Variants in SRGAP1 observed in about 807,000 individuals in gnomAD.
SRGAP1 encodes the protein SLIT-ROBO Rho GTPase-activating protein 1.
In SRGAP1, 43 loss-of-function variants were observed where a neutral mutation model predicts 121.9. The observed-to-expected ratio is 0.35, with a 90% CI of 0.28 to 0.46. The LOEUF is 0.46. SRGAP1 is among the 20% of genes least tolerant of loss of function. The pLI is 1.00. For synonymous variants in SRGAP1, 447 were observed against 485.4 expected, an observed-to-expected ratio of 0.92 and a Z score of 1.04; for missense variants, 1,102 against 1,350.9, an observed-to-expected ratio of 0.82 and a Z score of 2.89.
chr12:64,137,670 A>G (rs2036876632), intron 21 of SRGAP1, among the ~76,000 whole-genome samples: 1 of 152,188 alleles, frequency 6.6e-6, no homozygotes, highest in Admixed American at 6.5e-5. Context: ...TAGATTATTC[A>G]TTTAGCAAAT....
chr12:64,037,812 T>C (rs181139530), intron 4 of SRGAP1, among the ~76,000 whole-genome samples: 15 of 152,354 alleles, frequency 9.8e-5, no homozygotes, highest in Non-Finnish European at 1.5e-4. Flanking sequence ...TTTTAAACTC[T>C]TAGAAGATGG....
intron 8 of SRGAP1, among the ~76,000 whole-genome samples, chr12:64,072,952 G>A (rs997510807): frequency 6.6e-6 from 1 of 152,168 alleles, no homozygotes; most frequent in African/African-American, 2.4e-5. Context: ...AGCTCCTTCA[G>A]TGCAGTGCAT....
chr12:63,851,787 G>A (rs1289985854), intron 1 of SRGAP1, among the ~76,000 whole-genome samples: 2 of 150,620 alleles, frequency 1.3e-5, no homozygotes, highest in East Asian at 2.0e-4. Context: ...GGCTGGTCTC[G>A]AACTCCTGAC....
intron 7 of SRGAP1, among the ~76,000 whole-genome samples, chr12:64,063,955 T>C (rs1314115282): frequency 6.6e-6 from 1 of 151,692 alleles, no homozygotes; most frequent in Non-Finnish European, 1.5e-5. Flanking sequence ...TTTATATATA[T>C]ATACACATAT....
chr12:64,120,427 A>G (rs942452216), intron 18 of SRGAP1: 3 of 152,192 alleles, frequency 2.0e-5, no homozygotes, highest in Admixed American at 1.3e-4. Context: ...TTAAACTGCA[A>G]ACCTACCTGA....
At chr12:63,972,231 A>C (rs1233884023) in intron 1 of SRGAP1, among the ~76,000 whole-genome samples, 1 of 152,208 alleles carries the variant, frequency 6.6e-6, no homozygotes, top group Non-Finnish European at 1.5e-5. Context: ...AAGAAAATTA[A>C]GTGAAATGAT....
intron 1 of SRGAP1, among the ~76,000 whole-genome samples, chr12:63,947,520 C>T (rs1592970832): frequency 6.6e-6 from 1 of 152,102 alleles, no homozygotes; most frequent in Non-Finnish European, 1.5e-5. Context: ...TATGTGGATA[C>T]CTGTTGCTCT....
At chr12:63,865,130 C>CA (rs1374026508) in intron 1 of SRGAP1, among the ~76,000 whole-genome samples, 1 of 152,098 alleles carries the variant, frequency 6.6e-6, no homozygotes, top group Non-Finnish European at 1.5e-5. Flanking sequence ...ATAACCAACA[C>CA]ATTTTTGCCA....
rs79069563 is a variant in SRGAP1, at chr12:64,087,834, A to G, written c.1436+808A>G. Among the ~76,000 whole-genome samples, 494 of 152,320 alleles carry G rather than the reference A, an allele frequency of 3.2e-3. 1 individual carries two copies. The highest frequency in any genetic ancestry group is 0.011 in the African/African-American group (456 of 41,568). ...TTCTCCATTTTGATTCACTTTAAAC[A>G]TTTAACTTTTAACACATACTCCCAT... On this transcript the variant is annotated intron_variant, in intron 11 of 21. Transcript: ENST00000355086.
chr12:63,992,192 T>A (rs2033573259), intron 3 of SRGAP1, among the ~76,000 whole-genome samples: 1 of 152,232 alleles, frequency 6.6e-6, no homozygotes. Context: ...AAGAAGGGAC[T>A]TTGTACGTCT....
chr12:63,869,169 C>A (rs1160586858), intron 1 of SRGAP1, among the ~76,000 whole-genome samples: 1 of 152,146 alleles, frequency 6.6e-6, no homozygotes, highest in African/African-American at 2.4e-5. Flanking sequence ...TATTTGTTGG[C>A]TCACAGTTCT....
At chr12:63,855,484 T>G (rs1048519831) in intron 1 of SRGAP1, among the ~76,000 whole-genome samples, 33 of 118,714 alleles carry the variant, frequency 2.8e-4, no homozygotes, top group African/African-American at 7.9e-4. Context: ...TTTTTTTTTT[T>G]TTTTTTTTTT....
At chr12:64,111,637 G>C in intron 16 of SRGAP1, 125 bp from the exon 17 acceptor site, 1 of 744,022 alleles carries the variant, frequency 1.3e-6, no homozygotes, top group South Asian at 2.4e-5. Flanking sequence ...ACTTTCTTTG[G>C]AGTTTGCTGA....
At chr12:63,910,848 A>C (rs1210544044) in intron 1 of SRGAP1, among the ~76,000 whole-genome samples, 1 of 152,186 alleles carries the variant, frequency 6.6e-6, no homozygotes, top group East Asian at 1.9e-4. Context: ...AGGTCATCCC[A>C]GTCTGATCTT....
chr12:63,962,983 TG>T (rs1269444840), intron 1 of SRGAP1, among the ~76,000 whole-genome samples: 1 of 152,228 alleles, frequency 6.6e-6, no homozygotes, highest in African/African-American at 2.4e-5. Flanking sequence ...TTAAAATAAA[TG>T]TTACCTGTTT....
At chr12:63,964,423 T>C (rs1421508815) in intron 1 of SRGAP1, among the ~76,000 whole-genome samples, 2 of 152,108 alleles carry the variant, frequency 1.3e-5, no homozygotes, top group African/African-American at 4.8e-5. Flanking sequence ...CAAGGGTGAG[T>C]ATTTATTATA....
Position 64,128,157 on chromosome 12 carries a change from G to C in SRGAP1, c.2837G>C (p.Gly946Ala). The change falls in exon 21 of 22, where the codon GGC becomes GCC. Residue 946 changes from glycine (G) to alanine (A), a missense_variant. By Grantham distance (60) the Gly-to-Ala change is moderately conservative. This residue lies in a region of SRGAP1 where 315 missense variants were observed against 343.1 expected (regional missense o/e 0.92). Coordinates refer to ENST00000355086, the MANE Select transcript of SRGAP1 (RefSeq NM_020762.4). ...RRSTSSGQYTGFNDHKPLDPE... is the reference protein window; with the variant it reads ...RRSTSSGQYTAFNDHKPLDPE... ...TCCACGTCATCAGGGCAATACACGG[G>C]CTTCAATGACCACAAGCCACTGGAC... The C allele has an allele frequency of 6.2e-7, 1 of 1,613,874 alleles. No homozygotes were observed. Among genetic ancestry groups the C allele is most frequent in the Non-Finnish European group, 8.5e-7 (1 of 1,179,902 alleles).
At chr12:64,076,860 T>C (rs1008628956) in intron 8 of SRGAP1, among the ~76,000 whole-genome samples, 5 of 152,004 alleles carry the variant, frequency 3.3e-5, no homozygotes, top group Non-Finnish European at 7.4e-5. Flanking sequence ...GCCAGGCTGG[T>C]CTCGAACTCC....
At chr12:63,856,252 CTAAATAAATAAA>C (rs79879818) in intron 1 of SRGAP1, among the ~76,000 whole-genome samples, 9,607 of 146,316 alleles carry the variant, frequency 0.066, 367 homozygotes, top group East Asian at 0.13. Context: ...AACTCCGTCT[CTAAATAAATAAA>C]TAAATAAATA....
Sources: gnomAD v4.1 joint callset for allele counts (sites outside exome capture counted in the v4.1 genomes callset) on GRCh38, gnomAD v4.1.1 for gene constraint, gnomAD v4.1.1 regional missense constraint, MANE v1.5 for transcripts, NCBI Gene and HGNC (gene_info 2026-07-23, HGNC 2026-07-21) for gene names.